MAST4: variants seen among roughly 807,000 people sequenced by gnomAD.
MAST4 encodes the protein microtubule-associated serine/threonine-protein kinase 4.
Under a neutral mutation model 162.7 loss-of-function variants are expected in MAST4, and 89 were observed. That is an observed-to-expected ratio of 0.55 (90% CI 0.46 to 0.65). The LOEUF is 0.65. Ranked by LOEUF, MAST4 falls within the 30% of genes least tolerant of loss-of-function variation. The pLI is 0.00. For missense variants in MAST4, 3,153 were observed against 3,374.0 expected (o/e 0.93, Z 1.62); for synonymous variants, 1,479 against 1,361.1 (o/e 1.09, Z -1.91).
chr5:67,026,429 C>G (rs1223488843), intron 4 of MAST4, among the ~76,000 whole-genome samples: 1 of 152,202 alleles, frequency 6.6e-6, no homozygotes, highest in East Asian at 1.9e-4. Context: ...TACAGACTCA[C>G]AGCCTGATAG....
chr5:67,080,593 A>G (rs577288537), intron 5 of MAST4, among the ~76,000 whole-genome samples: 18 of 152,306 alleles, frequency 1.2e-4, no homozygotes, highest in Admixed American at 9.8e-4. Context: ...CGGAAAGGCC[A>G]TGTTCCTATT....
intron 4 of MAST4, among the ~76,000 whole-genome samples, chr5:67,007,143 T>A (rs2150339599): frequency 6.6e-6 from 1 of 152,342 alleles, no homozygotes; most frequent in African/African-American, 2.4e-5. Flanking sequence ...TATTGCATCC[T>A]GTTATTATAC....
chr5:66,834,585 G>A (rs1049756741), intron 3 of MAST4, among the ~76,000 whole-genome samples: 1 of 152,134 alleles, frequency 6.6e-6, no homozygotes, highest in Admixed American at 6.5e-5. Context: ...CACATGCCAG[G>A]CTGCCCCTTA....
intron 4 of MAST4, among the ~76,000 whole-genome samples, chr5:67,006,604 G>C (rs1752069544): frequency 6.6e-6 from 1 of 152,242 alleles, no homozygotes; most frequent in African/African-American, 2.4e-5. Context: ...AGTTCTTAGG[G>C]AGAGAAGTCT....
chr5:67,003,835 CACCATT>C (rs1751578053), intron 4 of MAST4: 1 of 152,196 alleles, frequency 6.6e-6, no homozygotes, highest in Admixed American at 6.5e-5. Flanking sequence ...CATCGGGGCT[CACCATT>C]ACCTAGATCT....
intron 2 of MAST4, among the ~76,000 whole-genome samples, chr5:66,780,481 G>A (rs940104928): frequency 2.6e-5 from 4 of 152,070 alleles, no homozygotes; most frequent in African/African-American, 4.8e-5. Context: ...TCGTGGTCTC[G>A]CTGACTTCAA....
chr5:67,047,167 T>A (rs1757480353), intron 4 of MAST4, among the ~76,000 whole-genome samples: 1 of 152,250 alleles, frequency 6.6e-6, no homozygotes. Flanking sequence ...AGTCCATTCA[T>A]CCTGCTTCCT....
rs913647058 is a variant in MAST4 at position 67,166,374 on chromosome 5, C to T, written c.7195C>T (p.Arg2399Trp). The T allele has an allele frequency of 6.2e-7, 1 of 1,611,426 alleles. No individual in the cohort carries two copies. Among genetic ancestry groups the T allele is most frequent in the Non-Finnish European group, 8.5e-7 (1 of 1,178,696 alleles). ...CCTTTCCTTTGTGCATAGCGAGAAC[C>T]GGTTGAAAGGCGCGGAGCGGCCAGC... Reference protein sequence around the residue: ...AGLSFVHSENRLKGAERPAAG... With the variant: ...AGLSFVHSENWLKGAERPAAG... Residue 2399 changes from arginine (R) to tryptophan (W), a missense_variant, in exon 29 of 29, where the codon CGG becomes TGG. By Grantham distance (101) the Arg-to-Trp change is moderately radical. Around this residue, in one of 7 missense-constraint regions of MAST4, gnomAD observed 1,644 missense variants for 1,495.0 expected, o/e 1.10. Transcript: ENST00000403625.
intron 6 of MAST4, among the ~76,000 whole-genome samples, chr5:67,093,367 T>C (rs1764074439): frequency 6.6e-6 from 1 of 152,180 alleles, no homozygotes; most frequent in Admixed American, 6.5e-5. Context: ...AAAGACAACA[T>C]TGTTAGCAGG....
chr5:66,857,048 C>G (rs879456889), intron 3 of MAST4, among the ~76,000 whole-genome samples: 1 of 152,052 alleles, frequency 6.6e-6, no homozygotes. Context: ...GTAACAGGAC[C>G]GAAAACCCCT....
rs764369692 is a variant in MAST4, at chr5:66,788,755, G to A, written c.603G>A (p.Gln201=). The change falls in exon 3 of 29, where the codon CAG becomes CAA. Residue 201 remains glutamine (Q), a synonymous_variant. Coordinates refer to ENST00000403625, the MANE Select transcript of MAST4 (RefSeq NM_001164664.2). ...CCAACCTCGTGCGCATGCGCAGCCAGGCCCTGGGCCAGTCGGCGCCCTCGC... is the reference window on the plus strand; with the variant it reads ...CCAACCTCGTGCGCATGCGCAGCCAAGCCCTGGGCCAGTCGGCGCCCTCGC... ...ETSNLVRMRS[Q]ALGQSAPSLT... The A allele has an allele frequency of 4.4e-6, 7 of 1,608,312 alleles. No homozygotes were observed. The South Asian group carries it at 6.6e-5, about 15-fold the overall frequency.
At chr5:66,616,603 C>G (rs1015754554) in intron 1 of MAST4, among the ~76,000 whole-genome samples, 34 of 152,008 alleles carry the variant, frequency 2.2e-4, no homozygotes, top group Admixed American at 1.3e-3. Flanking sequence ...GGGTGAAGGG[C>G]TTCTCTTCTG....
chr5:66,827,030 C>T (rs1314414042), intron 3 of MAST4, among the ~76,000 whole-genome samples: 28 of 152,096 alleles, frequency 1.8e-4, no homozygotes. Context: ...TGCAGGTGAG[C>T]CTGTGAAGGT....
chr5:66,986,750 G>T (rs1367387537), intron 4 of MAST4, among the ~76,000 whole-genome samples: 1 of 151,664 alleles, frequency 6.6e-6, no homozygotes, highest in Non-Finnish European at 1.5e-5. Flanking sequence ...GAGTAGCTGG[G>T]ACTACAGGTG....
At chr5:66,804,900 T>G (rs573654357) in intron 3 of MAST4, among the ~76,000 whole-genome samples, 3 of 152,338 alleles carry the variant, frequency 2.0e-5, no homozygotes, top group African/African-American at 7.2e-5. Context: ...AATTATCTGT[T>G]TTTGCATTCT....
intron 7 of MAST4, among the ~76,000 whole-genome samples, chr5:67,097,646 C>CT (rs1314624922): frequency 6.6e-6 from 1 of 152,078 alleles, no homozygotes; most frequent in East Asian, 1.9e-4. Context: ...TACACACATA[C>CT]TTTGTGTTTC....
At chr5:66,856,090 T>A (rs1759663444) in intron 3 of MAST4, among the ~76,000 whole-genome samples, 1 of 151,852 alleles carries the variant, frequency 6.6e-6, no homozygotes, top group Non-Finnish European at 1.5e-5. Flanking sequence ...AGCTCAGGAG[T>A]CTGAGGCTGC....
chr5:66,814,094 T>G (rs917721211), intron 3 of MAST4, among the ~76,000 whole-genome samples: 2 of 152,218 alleles, frequency 1.3e-5, no homozygotes, highest in Admixed American at 1.3e-4. Flanking sequence ...GGGCCACTTC[T>G]CAGGAGCAGA....
intron 1 of MAST4, among the ~76,000 whole-genome samples, chr5:66,627,452 A>T (rs1046756840): frequency 6.6e-6 from 1 of 152,182 alleles, no homozygotes; most frequent in African/African-American, 2.4e-5. Context: ...AGAAGATGTG[A>T]TCAACCATGT....
Sources: allele counts gnomAD v4.1 joint callset (sites outside exome capture counted in the v4.1 genomes callset), GRCh38; gene constraint gnomAD v4.1.1; regional missense constraint gnomAD v4.1.1; transcripts MANE v1.5; gene names NCBI Gene and HGNC (gene_info 2026-07-23, HGNC 2026-07-21).